ARB2A: variants seen among roughly 807,000 people sequenced by gnomAD.
ARB2A encodes ARB2 cotranscriptional regulator A, also known as cotranscriptional regulator ARB2A.
At chr5:93,658,687 A>C in the ARB2A span, among the ~76,000 whole-genome samples, 1 of 152,132 alleles carries the variant, frequency 6.6e-6, no homozygotes, top group East Asian at 1.9e-4. Flanking sequence ...ATATCTTTTC[A>C]GATGAGCTTA....
chr5:93,765,821 T>C, the ARB2A span, among the ~76,000 whole-genome samples: 2 of 152,146 alleles, frequency 1.3e-5, no homozygotes, highest in African/African-American at 2.4e-5. Context: ...AACAGCATGG[T>C]ACTGGTACCA....
chr5:93,843,368 T>G, the ARB2A span, among the ~76,000 whole-genome samples: 1 of 151,906 alleles, frequency 6.6e-6, no homozygotes, highest in Non-Finnish European at 1.5e-5. Context: ...AACACTTTCA[T>G]TATTATCTTC....
the ARB2A span, among the ~76,000 whole-genome samples, chr5:93,880,033 G>A: frequency 1.4e-4 from 21 of 151,744 alleles, 1 homozygote; most frequent in Admixed American, 1.2e-3. Context: ...TCATGACCCC[G>A]ATGTAATCAT....
chr5:93,980,222 C>A, the ARB2A span, among the ~76,000 whole-genome samples: 1 of 152,064 alleles, frequency 6.6e-6, no homozygotes, highest in Non-Finnish European at 1.5e-5. Flanking sequence ...ATATATGTAT[C>A]TGAACCTAAT....
At chr5:94,065,942 C>T in the ARB2A span, among the ~76,000 whole-genome samples, 1 of 152,122 alleles carries the variant, frequency 6.6e-6, no homozygotes, top group Non-Finnish European at 1.5e-5. Flanking sequence ...CATATCAACA[C>T]ATGGAGCATT....
the ARB2A span, among the ~76,000 whole-genome samples, chr5:93,923,667 A>C: frequency 6.6e-6 from 1 of 152,122 alleles, no homozygotes; most frequent in Non-Finnish European, 1.5e-5. Context: ...AAAATCAGCC[A>C]GGCGTGGTGT....
At chr5:93,896,771 C>A in the ARB2A span, among the ~76,000 whole-genome samples, 1 of 151,960 alleles carries the variant, frequency 6.6e-6, no homozygotes, top group East Asian at 1.9e-4. Flanking sequence ...GTTCCCAATA[C>A]AAAATGACAC....
chr5:94,064,078 AAAAAAGCAGT>A, the ARB2A span, among the ~76,000 whole-genome samples: 62 of 152,238 alleles, frequency 4.1e-4, 1 homozygote, highest in Middle Eastern at 3.4e-3. Flanking sequence ...AAGGGAATAC[AAAAAAGCAGT>A]AAAAAGAAAT....
chr5:93,762,708 A>G, the ARB2A span, among the ~76,000 whole-genome samples: 2 of 152,196 alleles, frequency 1.3e-5, no homozygotes. Flanking sequence ...GAACGCCACA[A>G]AGATACTCCT....
chr5:93,775,261 C>T, the ARB2A span, among the ~76,000 whole-genome samples: 1 of 152,064 alleles, frequency 6.6e-6, no homozygotes, highest in Non-Finnish European at 1.5e-5. Context: ...CAAATATGTA[C>T]ACATATTTTC....
At chr5:93,764,973 G>C in the ARB2A span, among the ~76,000 whole-genome samples, 3 of 152,146 alleles carry the variant, frequency 2.0e-5, no homozygotes, top group South Asian at 6.2e-4. Context: ...ATGCAGAAAA[G>C]ACCTTTGACA....
At chr5:93,913,461 GTCC>G in the ARB2A span, among the ~76,000 whole-genome samples, 1 of 151,732 alleles carries the variant, frequency 6.6e-6, no homozygotes, top group Non-Finnish European at 1.5e-5. Context: ...TCATTACTTT[GTCC>G]TCCTCGGATA....
At chr5:94,098,808 C>A in the ARB2A span, among the ~76,000 whole-genome samples, 1 of 151,960 alleles carries the variant, frequency 6.6e-6, no homozygotes, top group East Asian at 1.9e-4. Context: ...TACTACTGAC[C>A]CCACAGAAAC....
At chr5:93,816,512 T>C in the ARB2A span, among the ~76,000 whole-genome samples, 2 of 152,188 alleles carry the variant, frequency 1.3e-5, no homozygotes, top group Admixed American at 6.5e-5. Context: ...CTTGGTTTCC[T>C]AGCAGTCTTT....
chr5:93,969,027 T>C, the ARB2A span, among the ~76,000 whole-genome samples: 25 of 150,104 alleles, frequency 1.7e-4, no homozygotes, highest in African/African-American at 6.1e-4. Flanking sequence ...TCTTTTTTTT[T>C]TTTTTTTTTT....
At chr5:93,692,532 A>G in the ARB2A span, among the ~76,000 whole-genome samples, 1 of 152,208 alleles carries the variant, frequency 6.6e-6, no homozygotes, top group African/African-American at 2.4e-5. Flanking sequence ...ATATAGGAGT[A>G]CCCAGATTCA....
the ARB2A span, among the ~76,000 whole-genome samples, chr5:93,768,474 T>A: frequency 2.7e-5 from 4 of 150,092 alleles, no homozygotes; most frequent in African/African-American, 9.8e-5. Flanking sequence ...TATATATATA[T>A]ATATATGTAT....
chr5:93,807,272 A>G, the ARB2A span, among the ~76,000 whole-genome samples: 1 of 151,970 alleles, frequency 6.6e-6, no homozygotes, highest in Non-Finnish European at 1.5e-5. Context: ...GCTGTAAAAC[A>G]TTCATTGCTC....
the ARB2A span, among the ~76,000 whole-genome samples, chr5:93,902,112 C>T: frequency 6.6e-6 from 1 of 151,956 alleles, no homozygotes; most frequent in South Asian, 2.1e-4. Flanking sequence ...TATTATCATA[C>T]TATAATAATA....
Sources: gnomAD v4.1 joint callset for allele counts (sites outside exome capture counted in the v4.1 genomes callset) on GRCh38, gnomAD v4.1.1 for gene constraint, MANE v1.5 for transcripts, NCBI Gene and HGNC (gene_info 2026-07-23, HGNC 2026-07-21) for gene names.